Variants in CACNA2D3 observed in about 807,000 individuals in gnomAD.
CACNA2D3 encodes voltage-dependent calcium channel subunit alpha-2/delta-3.
A neutral mutation model predicts 160.6 loss-of-function variants in CACNA2D3; 60 were observed. The observed-to-expected ratio is 0.37, with a 90% confidence interval of 0.30 to 0.46. The LOEUF is 0.46. Among genes scored for constraint, CACNA2D3 ranks in the 20% least tolerant of loss-of-function variants. CACNA2D3 has a pLI of 1.00. For synonymous variants in CACNA2D3, 558 were observed against 492.9 expected, an observed-to-expected ratio of 1.13 and a Z score of -1.75; for missense variants, 1,205 against 1,365.0, an observed-to-expected ratio of 0.88 and a Z score of 1.85.
chr3:54,822,283 G>A (rs1432784436), intron 14 of CACNA2D3, among the ~76,000 whole-genome samples: 2 of 152,182 alleles, frequency 1.3e-5, no homozygotes, highest in Non-Finnish European at 2.9e-5. Flanking sequence ...TATGAATAAG[G>A]CTATGGTGCT....
intron 14 of CACNA2D3, among the ~76,000 whole-genome samples, chr3:54,821,900 G>A (rs1426745854): frequency 6.6e-6 from 1 of 152,012 alleles, no homozygotes; most frequent in Non-Finnish European, 1.5e-5. Flanking sequence ...AACTGTCAAT[G>A]AAAATTGAAA....
At chr3:54,209,120 A>T (rs1701324891) in intron 2 of CACNA2D3, among the ~76,000 whole-genome samples, 1 of 152,214 alleles carries the variant, frequency 6.6e-6, no homozygotes, top group Admixed American at 6.5e-5. Flanking sequence ...GCTACAATTT[A>T]AAAAGAGATT....
chr3:55,044,238 G>C (rs564440410), intron 35 of CACNA2D3, among the ~76,000 whole-genome samples: 22 of 152,254 alleles, frequency 1.4e-4, no homozygotes, highest in African/African-American at 5.1e-4. Context: ...CAGTCCATAA[G>C]CATGGTGTAA....
At chr3:54,989,766 G>T (rs941701760) in intron 31 of CACNA2D3, among the ~76,000 whole-genome samples, 1 of 152,254 alleles carries the variant, frequency 6.6e-6, no homozygotes, top group African/African-American at 2.4e-5. Flanking sequence ...TTTTGTTGTC[G>T]ATCTTTGTTC....
chr3:54,583,412 G>C (rs930292829), intron 9 of CACNA2D3, among the ~76,000 whole-genome samples: 1 of 152,122 alleles, frequency 6.6e-6, no homozygotes, highest in Admixed American at 6.5e-5. Flanking sequence ...AACTAATCTG[G>C]ACTTCTTATT....
At chr3:54,520,759 C>CCCT in intron 5 of CACNA2D3, among the ~76,000 whole-genome samples, 1 of 152,150 alleles carries the variant, frequency 6.6e-6, no homozygotes. Context: ...CTTTGGCTAT[C>CCCT]GTTCCCTTGT....
intron 2 of CACNA2D3, among the ~76,000 whole-genome samples, chr3:54,148,496 G>A (rs191716974): frequency 5.3e-5 from 8 of 152,210 alleles, no homozygotes; most frequent in Admixed American, 1.3e-4. Context: ...CTAGCATGTG[G>A]CAGGGGGTTG....
At chr3:54,892,014 CAG>C (rs994829997) in intron 25 of CACNA2D3, among the ~76,000 whole-genome samples, 1 of 152,132 alleles carries the variant, frequency 6.6e-6, no homozygotes, top group Non-Finnish European at 1.5e-5. Context: ...AGATGGTGGG[CAG>C]AGAGTTTCCA....
In CACNA2D3 at chr3:54,888,066, C is replaced by T. The variant is rs755557089; in HGVS notation, c.2150+14C>T. ...CAACAAATCTGAGTAAGTGGTTGCACGTGTCCTCGTTTCATGGCCATTTCC... is the reference window on the plus strand; with the variant it reads ...CAACAAATCTGAGTAAGTGGTTGCATGTGTCCTCGTTTCATGGCCATTTCC... On this transcript the variant is annotated intron_variant, in intron 24 of 37. Transcript: ENST00000474759. 6 of 1,587,892 alleles carry T rather than the reference C, an allele frequency of 3.8e-6. No individual in the cohort carries two copies. Among genetic ancestry groups the T allele is most frequent in the African/African-American group, 2.7e-5 (2 of 74,358 alleles).
chr3:54,802,304 G>C (rs1575482963), intron 13 of CACNA2D3, among the ~76,000 whole-genome samples: 1 of 152,136 alleles, frequency 6.6e-6, no homozygotes, highest in Non-Finnish European at 1.5e-5. Context: ...GTAGGGAGGG[G>C]AGAAGATTCC....
chr3:54,264,312 A>G (rs1275332574), intron 2 of CACNA2D3, among the ~76,000 whole-genome samples: 1 of 152,156 alleles, frequency 6.6e-6, no homozygotes, highest in Non-Finnish European at 1.5e-5. Context: ...AGGTTCTCTT[A>G]TATTGAATGT....
intron 5 of CACNA2D3, among the ~76,000 whole-genome samples, chr3:54,503,968 A>C (rs1377448033): frequency 6.6e-6 from 1 of 152,178 alleles, no homozygotes; most frequent in East Asian, 1.9e-4. Context: ...CTCTGTTGCA[A>C]CTACTCACTT....
In CACNA2D3 at chr3:54,356,029, T is replaced by A. The variant is rs553233850; in HGVS notation, c.322-30686T>A. ...CCCAGGACTGGCTGGACCAACCACA[T>A]CCTGGATTGATTTTCTTACAAATTG... On this transcript the variant is annotated intron_variant, in intron 3 of 37. Transcript: ENST00000474759. Among the ~76,000 whole-genome samples the A allele has an allele frequency of 2.3e-4, 34 of 149,306 alleles. No individual in the cohort carries two copies. In the South Asian group the frequency reaches 4.0e-3, roughly 18 times the overall value.
intron 34 of CACNA2D3, among the ~76,000 whole-genome samples, chr3:55,015,273 A>T: frequency 6.6e-6 from 1 of 152,204 alleles, no homozygotes; most frequent in East Asian, 1.9e-4. Flanking sequence ...CCCAAGGTCA[A>T]ATTTTGGTTC....
intron 11 of CACNA2D3, among the ~76,000 whole-genome samples, chr3:54,650,539 T>TA (rs1699743780): frequency 6.6e-6 from 1 of 152,152 alleles, no homozygotes; most frequent in African/African-American, 2.4e-5. Context: ...AATTTTTATA[T>TA]TTTTTAGTAG....
At chr3:54,691,402 A>T (rs1700567563) in intron 11 of CACNA2D3, among the ~76,000 whole-genome samples, 1 of 152,206 alleles carries the variant, frequency 6.6e-6, no homozygotes, top group Admixed American at 6.5e-5. Flanking sequence ...TGATATGTGT[A>T]ATCAACAAAG....
At chr3:54,254,522 G>A (rs891273365) in intron 2 of CACNA2D3, among the ~76,000 whole-genome samples, 37 of 152,322 alleles carry the variant, frequency 2.4e-4, no homozygotes, top group African/African-American at 8.4e-4. Context: ...GTATTGATGG[G>A]TGAAGATAAG....
chr3:54,733,957 GATTGAAAAAAAAAAAGCAC>G (rs1056575224), intron 11 of CACNA2D3, among the ~76,000 whole-genome samples: 1 of 151,036 alleles, frequency 6.6e-6, no homozygotes, highest in Non-Finnish European at 1.5e-5. Flanking sequence ...GTAGCAGTGA[GATTGAAAAAAAAAAAGCAC>G]CTTCTTGATG....
intron 2 of CACNA2D3, among the ~76,000 whole-genome samples, chr3:54,262,185 G>T (rs1262264455): frequency 6.6e-6 from 1 of 152,136 alleles, no homozygotes; most frequent in East Asian, 1.9e-4. Flanking sequence ...TTGCTGATGT[G>T]TTTGCTTTGG....
Sources: allele counts gnomAD v4.1 joint callset (sites outside exome capture counted in the v4.1 genomes callset), GRCh38; gene constraint gnomAD v4.1.1; transcripts MANE v1.5; gene names NCBI Gene and HGNC (gene_info 2026-07-23, HGNC 2026-07-21).